LIPE: variants seen among roughly 807,000 people sequenced by gnomAD.
LIPE encodes hormone-sensitive lipase.
In LIPE, 66 loss-of-function variants were observed where a neutral mutation model predicts 88.5. That is an observed-to-expected ratio of 0.75 (90% CI 0.61 to 0.91). The LOEUF (loss-of-function observed/expected upper bound fraction) is 0.91. Among genes scored for constraint, LIPE ranks in the 40% least tolerant of loss-of-function variants. LIPE has a pLI of 0.00. For missense variants in LIPE, 1,346 were observed against 1,434.7 expected (o/e 0.94, Z 1.00); for synonymous variants, 570 against 617.5 (o/e 0.92, Z 1.14).
In LIPE at chr19:42,426,390, C is replaced by T; in HGVS notation, c.760G>A (p.Val254Met). 1 of 1,614,076 alleles carries T rather than the reference C, an allele frequency of 6.2e-7. No individual in the cohort carries two copies. Among genetic ancestry groups the T allele is most frequent in the Non-Finnish European group, 8.5e-7 (1 of 1,180,022 alleles). ...TDSPATMGGM[V>M]AQGVKLGFKG... Reference sequence around the variant, plus strand: ...AAGCCTAGCTTCACTCCCTGGGCCACCATTCCACCCATCGTGGCTGGAGAA... The same window carrying T: ...AAGCCTAGCTTCACTCCCTGGGCCATCATTCCACCCATCGTGGCTGGAGAA... Residue 254 changes from valine (V) to methionine (M), a missense_variant, in exon 1 of 10, where the codon GTG (valine) becomes ATG (methionine). Coordinates refer to ENST00000244289, the MANE Select transcript of LIPE (RefSeq NM_005357.4).
At chr19:42,418,958 C>T (rs930590246) in intron 1 of LIPE, among the ~76,000 whole-genome samples, 2 of 152,134 alleles carry the variant, frequency 1.3e-5, no homozygotes, top group Admixed American at 6.5e-5. Flanking sequence ...AAAGTGGTAG[C>T]ATCCATGCCG....
chr19:42,415,810 G>GAA (rs756329700), intron 1 of LIPE, among the ~76,000 whole-genome samples: 13 of 135,396 alleles, frequency 9.6e-5, no homozygotes, highest in South Asian at 2.3e-4. Flanking sequence ...ACTCCGTCTG[G>GAA]AAAAAAAAAA....
At chr19:42,415,919 A>G (rs897236240) in intron 1 of LIPE, among the ~76,000 whole-genome samples, 3 of 152,198 alleles carry the variant, frequency 2.0e-5, no homozygotes, top group Non-Finnish European at 4.4e-5. Flanking sequence ...GCCTAATCCC[A>G]AGCGAAGCCC....
chr19:42,406,162 A>C lies in LIPE; in HGVS notation c.2364T>G (p.Ala788=). ...CCCTGCTGAGGGTGTGGGCCTCACC[A>C]GCATAGGCGCTGACACACTTGGAGA... ...SVLSKCVSAY[A]GAKTEDHSNS... The change falls in exon 7 of 10, where the codon GCT becomes GCG. Residue 788 remains alanine (A), a splice_region_variant and synonymous_variant. Coordinates refer to ENST00000244289, the MANE Select transcript of LIPE (RefSeq NM_005357.4). The surrounding 1 kb of genome is among the most constrained non-coding windows in gnomAD (Gnocchi z 5.7). 6.2e-7 allele frequency: 1 copy of C among 1,602,140 alleles called. No homozygotes were observed. Among genetic ancestry groups the C allele is most frequent in the Non-Finnish European group, 8.5e-7 (1 of 1,170,484 alleles).
intron 1 of LIPE, among the ~76,000 whole-genome samples, chr19:42,416,028 A>C (rs2040479978): frequency 6.6e-6 from 1 of 152,070 alleles, no homozygotes. Context: ...TAAGGAAAGA[A>C]GGCATCTCTG....
At position 42,402,866 on chromosome 19, in the gene LIPE, G is replaced by A. The variant is rs1280167296; in HGVS notation, c.2708C>T (p.Pro903Leu). 3 of 1,613,782 alleles carry A rather than the reference G, an allele frequency of 1.9e-6. No individual in the cohort carries two copies. The highest frequency in any genetic ancestry group is 2.5e-6 in the Non-Finnish European group (3 of 1,179,984). ...GAAGTTGACATCGGAGGGTGTGGAG[G>A]GGCTAAGTGTCTCAGCTGACAGCGA... ...EMSLSAETLSPSTPSDVNFLL... is the reference protein window; with the variant it reads ...EMSLSAETLSLSTPSDVNFLL... The change falls in exon 9 of 10, where the codon CCC becomes CTC. Residue 903 changes from proline to leucine, a missense_variant. Coordinates refer to ENST00000244289, the MANE Select transcript of LIPE (RefSeq NM_005357.4).
chr19:42,420,575 C>T (rs947704300), intron 1 of LIPE, among the ~76,000 whole-genome samples: 3 of 151,850 alleles, frequency 2.0e-5, no homozygotes, highest in African/African-American at 7.3e-5. Flanking sequence ...TCATCCTGGC[C>T]ACCTCCCCAC....
At chr19:42,402,286 T>C (rs1392102440) in intron 9 of LIPE, among the ~76,000 whole-genome samples, 7 of 151,944 alleles carry the variant, frequency 4.6e-5, no homozygotes, top group African/African-American at 1.7e-4. Flanking sequence ...TGACTTTAAC[T>C]GCGATCCCCG....
At chr19:42,405,961 G>GTC (rs137919065) in intron 7 of LIPE, 200 bp downstream of exon 7, 10,780 of 487,020 alleles carry the variant, frequency 0.022, 63 homozygotes, top group South Asian at 0.025. Flanking sequence ...GTGTCTGTCT[G>GTC]TCTCTCTCTC....
intron 1 of LIPE, chr19:42,411,200 C>T (rs2040366743): frequency 3.3e-6 from 2 of 597,588 alleles, no homozygotes; most frequent in South Asian, 7.4e-5. Context: ...CAGAAACTTG[C>T]TGCCCTGGCC....
rs1600119686 is a variant in LIPE at position 42,408,608 on chromosome 19, T to A, written c.1420-286A>T. Among the ~76,000 whole-genome samples, 1 of 147,968 alleles carries A rather than the reference T, an allele frequency of 6.8e-6. No individual in the cohort carries two copies. Among genetic ancestry groups the A allele is most frequent in the African/African-American group, 2.5e-5 (1 of 40,236 alleles). ...AGGTGGAGAGGGCACCAGTGATGAC[T>A]AGGGGTCAGGCTACTTAGCGGGTCT... On this transcript the variant is annotated intron_variant, in intron 2 of 9. Coordinates refer to ENST00000244289, the MANE Select transcript of LIPE (RefSeq NM_005357.4). The surrounding 1 kb of genome is among the most constrained non-coding windows in gnomAD (Gnocchi z 4.3).
chr19:42,414,263 A>T lies in LIPE; in HGVS notation c.884-3421T>A, dbSNP rs1302884371. ...TACTCCAGCCTGGCGATAAAGCGAG[A>T]CTCTGTCAGAAAAGAAAGGAAAGAA... On this transcript the variant is annotated intron_variant, in intron 1 of 9. Transcript: ENST00000244289. This position sits in a 1 kb window ranked among gnomAD's most constrained non-coding sequence, Gnocchi z 4.6. 6.6e-6 allele frequency among the ~76,000 whole-genome samples: 1 copy of T among 152,024 alleles called. No homozygotes were observed. Among genetic ancestry groups the T allele is most frequent in the Non-Finnish European group, 1.5e-5 (1 of 68,006 alleles).
At position 42,424,727 on chromosome 19, in the gene LIPE, T is replaced by C. The variant is rs571085064; in HGVS notation, c.883+1540A>G. The C allele has an allele frequency of 3.3e-5, 14 of 419,472 alleles. No homozygotes were observed. The East Asian group carries it at 5.0e-4, about 15-fold the overall frequency. The allele number at this position is 419,472 out of a possible 1,614,324, so 26.0% of individuals were successfully genotyped here. ...TCAGGATTAGGGCTGCGTTGGTTTTTCCCCCCACATCAGGGGACTTCAACA... is the reference window on the plus strand; with the variant it reads ...TCAGGATTAGGGCTGCGTTGGTTTTCCCCCCCACATCAGGGGACTTCAACA... On this transcript the variant is annotated intron_variant, in intron 1 of 9. Transcript: ENST00000244289.
At position 42,427,305 on chromosome 19, in the gene LIPE, G is replaced by GGCAGCTGGCAGTTGGCCGATC; in HGVS notation, c.-177_-157dup. On this transcript the variant is annotated 5_prime_UTR_variant, in exon 1 of 10. Transcript: ENST00000244289. ...TAGCATCACTGGTCTTCCTTTTTAA[G>GGCAGCTGGCAGTTGGCCGATC]GCAGCTGGCAGTTGGCCGATCACAG... 1 of 1,385,016 alleles carries GGCAGCTGGCAGTTGGCCGATC rather than the reference G, an allele frequency of 7.2e-7. No individual in the cohort carries two copies. The highest frequency in any genetic ancestry group is 9.4e-7 in the Non-Finnish European group (1 of 1,066,036). 85.8% of individuals were successfully genotyped at this position (1,385,016 alleles called of 1,614,324 possible).
intron 9 of LIPE, 23 bp from the exon 10 acceptor site, chr19:42,402,098 G>A (rs767817132): frequency 5.5e-6 from 8 of 1,454,198 alleles, no homozygotes; most frequent in South Asian, 4.3e-5. Flanking sequence ...GGGGAGGGAC[G>A]TGGAGAGAGG....
intron 1 of LIPE, among the ~76,000 whole-genome samples, chr19:42,416,595 C>T (rs867031810): frequency 3.9e-5 from 6 of 152,216 alleles, no homozygotes; most frequent in Non-Finnish European, 7.3e-5. Flanking sequence ...CAGCTGGTGA[C>T]TCAGTTGAAG....
Position 42,410,054 on chromosome 19 carries a change from T to A in LIPE, c.1419+253A>T, listed in dbSNP as rs1568603399. ...CTCTTGCATGTAGGACAATAGAGAG[T>A]AGTGGATATCCTGGTGAAAAAAGCT... On this transcript the variant is annotated intron_variant, in intron 2 of 9. Coordinates refer to ENST00000244289, the MANE Select transcript of LIPE (RefSeq NM_005357.4). This position sits in a 1 kb window ranked among gnomAD's most constrained non-coding sequence, Gnocchi z 6.1. Among the ~76,000 whole-genome samples, 1 of 151,894 alleles carries A rather than the reference T, an allele frequency of 6.6e-6. No homozygotes were observed. The highest frequency in any genetic ancestry group is 1.5e-5 in the Non-Finnish European group (1 of 67,948).
chr19:42,407,068 T>TG lies in LIPE; in HGVS notation c.2137+105dup. ...CTGGGTGAGCAGGAGCTGGGAGGTG[T>TG]GGGGGGAGAGAAAGGTAGAGGGTGT... On this transcript the variant is annotated intron_variant, in intron 6 of 9. Coordinates refer to ENST00000244289, the MANE Select transcript of LIPE (RefSeq NM_005357.4). This position sits in a 1 kb window ranked among gnomAD's most constrained non-coding sequence, Gnocchi z 5.8. 3.1e-6 allele frequency: 3 copies of TG among 967,574 alleles called. No individual in the cohort carries two copies. The highest frequency in any genetic ancestry group is 3.0e-6 in the Non-Finnish European group (2 of 676,054). The allele number at this position is 967,574 out of a possible 1,614,324, so 59.9% of individuals were successfully genotyped here. A position where few individuals can be genotyped will look rare whatever the true frequency, so the allele number is the denominator to read the frequency against.
In LIPE at chr19:42,401,621, G is replaced by A; in HGVS notation, c.*191C>T. On this transcript the variant is annotated 3_prime_UTR_variant, in exon 10 of 10. Coordinates refer to ENST00000244289, the MANE Select transcript of LIPE (RefSeq NM_005357.4). ...AGCAGCAGCAAAAGGCAGCGGTGGCGTGCAGGTCCAGCCGTCTCGGTGACC... is the reference window on the plus strand; with the variant it reads ...AGCAGCAGCAAAAGGCAGCGGTGGCATGCAGGTCCAGCCGTCTCGGTGACC... 3.7e-6 allele frequency: 2 copies of A among 539,592 alleles called. No homozygotes were observed. The highest frequency in any genetic ancestry group is 6.4e-6 in the Non-Finnish European group (2 of 314,396). 33.4% of individuals were successfully genotyped at this position (539,592 alleles called of 1,614,324 possible). A position where few individuals can be genotyped will look rare whatever the true frequency, so the allele number is the denominator to read the frequency against.
Sources: allele counts gnomAD v4.1 joint callset (sites outside exome capture counted in the v4.1 genomes callset), GRCh38; gene constraint gnomAD v4.1.1; non-coding constraint Gnocchi (gnomAD v3.1); transcripts MANE v1.5; gene names NCBI Gene and HGNC (gene_info 2026-07-23, HGNC 2026-07-21).